Variants in C10orf67 observed in about 807,000 individuals in gnomAD.
C10orf67 encodes the protein chromosome 10 open reading frame 67.
A neutral mutation model predicts 35.6 loss-of-function variants in C10orf67; 60 were observed. The observed-to-expected ratio is 1.68, with a 90% CI of 1.37 to 2.09. The LOEUF (loss-of-function observed/expected upper bound fraction) is 2.09, where lower values mean the gene tolerates loss of function less well. C10orf67 is among the 30% of genes most tolerant of loss of function. The pLI is 0.00. For missense variants in C10orf67, 474 were observed against 330.2 expected, an observed-to-expected ratio of 1.44 and a Z score of -3.38; for synonymous variants, 167 against 115.8, an observed-to-expected ratio of 1.44 and a Z score of -2.84.
chr10:23,264,549 T>C (rs1842837353), intron 10 of C10orf67, among the ~76,000 whole-genome samples: 2 of 152,150 alleles, frequency 1.3e-5, no homozygotes, highest in South Asian at 2.1e-4. Context: ...CAGAGATTTG[T>C]CAGTCTTTGT....
chr10:23,236,257 A>G, intron 13 of C10orf67, among the ~76,000 whole-genome samples: 1 of 64,382 alleles, frequency 1.6e-5, no homozygotes, highest in South Asian at 7.0e-4. Context: ...TCGGGGGAAA[A>G]AAAAAAAAAA....
chr10:23,305,725 A>G (rs1403449706), intron 4 of C10orf67, among the ~76,000 whole-genome samples: 2 of 152,196 alleles, frequency 1.3e-5, no homozygotes, highest in Admixed American at 1.3e-4. Flanking sequence ...TGCACTGTTG[A>G]TGGGAATGTA....
At chr10:23,213,731 A>G (rs2132090261) in intron 15 of C10orf67, among the ~76,000 whole-genome samples, 1 of 152,330 alleles carries the variant, frequency 6.6e-6, no homozygotes, top group East Asian at 1.9e-4. Flanking sequence ...CTTTCAAATC[A>G]GCATGGGGGA....
At chr10:23,236,345 T>C (rs1416506165) in intron 13 of C10orf67, among the ~76,000 whole-genome samples, 1 of 147,646 alleles carries the variant, frequency 6.8e-6, no homozygotes, top group East Asian at 2.0e-4. Context: ...AGGCAGAGAA[T>C]TGCTTGAACC....
intron 12 of C10orf67, among the ~76,000 whole-genome samples, chr10:23,250,185 G>C (rs1842412582): frequency 6.6e-6 from 1 of 152,120 alleles, no homozygotes. Flanking sequence ...TGACTAAATA[G>C]GTCTGATTAA....
chr10:23,267,596 C>T (rs941701687), intron 8 of C10orf67, among the ~76,000 whole-genome samples: 39 of 152,242 alleles, frequency 2.6e-4, no homozygotes, highest in African/African-American at 9.1e-4. Context: ...AAATACTAGG[C>T]CTTATTCTTA....
chr10:23,230,380 C>G (rs769274122), intron 13 of C10orf67, among the ~76,000 whole-genome samples: 2 of 151,832 alleles, frequency 1.3e-5, no homozygotes, highest in Non-Finnish European at 2.9e-5. Context: ...GAGAATAATA[C>G]ATTTGTGATT....
intron 4 of C10orf67, chr10:23,318,136 A>C (rs1445256762): frequency 1.1e-5 from 1 of 93,396 alleles, no homozygotes; most frequent in Non-Finnish European, 1.9e-5. Context: ...CCCAAAAATA[A>C]AAAGCAAAAC....
chr10:23,308,173 G>A (rs1165778129), intron 4 of C10orf67, among the ~76,000 whole-genome samples: 1 of 151,886 alleles, frequency 6.6e-6, no homozygotes, highest in African/African-American at 2.4e-5. Flanking sequence ...TCTCTTTCAC[G>A]AACTAATCAA....
intron 13 of C10orf67, among the ~76,000 whole-genome samples, chr10:23,239,284 A>G (rs376048692): frequency 1.5e-4 from 23 of 152,210 alleles, no homozygotes; most frequent in Admixed American, 7.9e-4. Context: ...GGCTTTATCT[A>G]TTACACGAAT....
At chr10:23,260,663 C>T (rs1383822290) in intron 10 of C10orf67, among the ~76,000 whole-genome samples, 1 of 152,138 alleles carries the variant, frequency 6.6e-6, no homozygotes, top group African/African-American at 2.4e-5. Context: ...CCTGGGAGCT[C>T]ATAAGAAACA....
At chr10:23,282,911 T>G in intron 7 of C10orf67, among the ~76,000 whole-genome samples, 1 of 150,712 alleles carries the variant, frequency 6.6e-6, no homozygotes, top group African/African-American at 2.4e-5. Context: ...GGTTACCAGA[T>G]GCTGGGAAGG....
In C10orf67 at chr10:23,203,636, G is replaced by A. The variant is rs1841077576; in HGVS notation, c.*537C>T. 6.6e-6 allele frequency: 1 copy of A among 152,194 alleles called. No homozygotes were observed. The highest frequency in any genetic ancestry group is 1.5e-5 in the Non-Finnish European group (1 of 68,038). The allele number at this position is 152,194 out of a possible 1,614,324, so 9.4% of individuals were successfully genotyped here. A position where few individuals can be genotyped will look rare whatever the true frequency, so the allele number is the denominator to read the frequency against. On this transcript the variant is annotated 3_prime_UTR_variant, in exon 16 of 16. Coordinates refer to ENST00000636213, the MANE Select transcript of C10orf67 (RefSeq NM_001371909.1). Reference sequence around the variant, plus strand: ...CCAAAGAGTTTCCCTACTTACTAAAGAATTTCTGACAGCCTTTAAGATGCG... The same window carrying A: ...CCAAAGAGTTTCCCTACTTACTAAAAAATTTCTGACAGCCTTTAAGATGCG...
At chr10:23,344,410 C>T in intron 1 of C10orf67, 159 bp downstream of exon 1, 1 of 734,854 alleles carries the variant, frequency 1.4e-6, no homozygotes, top group Non-Finnish European at 2.2e-6. Context: ...TTTCACTGTC[C>T]CGCCTGCCTC....
intron 15 of C10orf67, among the ~76,000 whole-genome samples, chr10:23,214,109 G>T (rs940168774): frequency 2.0e-5 from 3 of 151,834 alleles, no homozygotes; most frequent in African/African-American, 7.3e-5. Flanking sequence ...AGAGGCCAGT[G>T]CATGCAACAA....
intron 15 of C10orf67, among the ~76,000 whole-genome samples, chr10:23,211,557 G>A (rs1337940507): frequency 6.6e-6 from 1 of 151,796 alleles, no homozygotes; most frequent in African/African-American, 2.4e-5. Context: ...GTTACAGACA[G>A]GATACACAAG....
At chr10:23,334,055 TTTC>T (rs1845578275) in intron 1 of C10orf67, among the ~76,000 whole-genome samples, 1 of 152,206 alleles carries the variant, frequency 6.6e-6, no homozygotes. Flanking sequence ...ATATTTTAAT[TTTC>T]TTCTTTTAAA....
chr10:23,297,226 A>AT (rs1313892140), intron 5 of C10orf67, among the ~76,000 whole-genome samples: 3 of 99,434 alleles, frequency 3.0e-5, no homozygotes, highest in Non-Finnish European at 7.5e-5. Context: ...GTTCCTTTCT[A>AT]TTTCCCTTTC....
chr10:23,340,930 G>A (rs1453156444), intron 1 of C10orf67, among the ~76,000 whole-genome samples: 1 of 152,180 alleles, frequency 6.6e-6, no homozygotes, highest in Non-Finnish European at 1.5e-5. Flanking sequence ...AAAATGCAAT[G>A]ACTCTTCTCA....
Sources: gnomAD v4.1 joint callset for allele counts (sites outside exome capture counted in the v4.1 genomes callset) on GRCh38, gnomAD v4.1.1 for gene constraint, MANE v1.5 for transcripts, NCBI Gene and HGNC (gene_info 2026-07-23, HGNC 2026-07-21) for gene names.